Variants in SLC25A48 observed in about 807,000 individuals in gnomAD.
The protein encoded by SLC25A48 is solute carrier family 25 member 48.
A neutral mutation model predicts 32.2 loss-of-function variants in SLC25A48; 29 were observed. The observed-to-expected ratio is 0.90, with a 90% CI of 0.67 to 1.23. The LOEUF (loss-of-function observed/expected upper bound fraction) is 1.23, where lower values mean the gene tolerates loss of function less well. Ranked by LOEUF, SLC25A48 falls within the 50% of genes most tolerant of loss-of-function variation. The pLI, the probability that SLC25A48 is intolerant of heterozygous loss-of-function variation, is 0.00. For missense variants in SLC25A48, 399 were observed against 422.7 expected, an observed-to-expected ratio of 0.94 and a Z score of 0.49; for synonymous variants, 164 against 172.3, an observed-to-expected ratio of 0.95 and a Z score of 0.38.
At chr5:135,790,513 G>A (rs932382836) in intron 3 of SLC25A48, among the ~76,000 whole-genome samples, 3 of 149,220 alleles carry the variant, frequency 2.0e-5, no homozygotes, top group African/African-American at 7.5e-5. Context: ...TACATAATGT[G>A]TGGGTACTCC....
intron 3 of SLC25A48, among the ~76,000 whole-genome samples, chr5:135,700,531 G>A (rs1754370299): frequency 6.6e-6 from 1 of 152,200 alleles, no homozygotes; most frequent in Admixed American, 6.5e-5. Context: ...AGCCTCTAGA[G>A]CCCATCTCTG....
At chr5:135,596,824 C>T (rs904714836) in intron 1 of SLC25A48, among the ~76,000 whole-genome samples, 1 of 152,158 alleles carries the variant, frequency 6.6e-6, no homozygotes, top group Non-Finnish European at 1.5e-5. Flanking sequence ...TTGGTAGCCT[C>T]CAAATGACCA....
chr5:135,863,485 G>A (rs1760962405), intron 4 of SLC25A48, among the ~76,000 whole-genome samples: 1 of 152,190 alleles, frequency 6.6e-6, no homozygotes, highest in Non-Finnish European at 1.5e-5. Flanking sequence ...TAAGGCAGAG[G>A]ATGGCAGCAA....
At chr5:135,600,059 T>C (rs1346486140) in intron 1 of SLC25A48, among the ~76,000 whole-genome samples, 2 of 152,240 alleles carry the variant, frequency 1.3e-5, no homozygotes, top group East Asian at 3.8e-4. Flanking sequence ...CTCATCACTT[T>C]TGCTGTGTTT....
intron 4 of SLC25A48, among the ~76,000 whole-genome samples, chr5:135,867,256 G>A (rs1326709509): frequency 6.6e-6 from 1 of 152,214 alleles, no homozygotes; most frequent in Non-Finnish European, 1.5e-5. Context: ...GGAGTTGGCA[G>A]TTTCCTGTGA....
chr5:135,729,398 CT>C (rs1755173721), intron 3 of SLC25A48, among the ~76,000 whole-genome samples: 1 of 151,630 alleles, frequency 6.6e-6, no homozygotes, highest in Admixed American at 6.6e-5. Context: ...ATTTGCTTGA[CT>C]TTCTAGTGGA....
chr5:135,805,020 C>T (rs1400062727), intron 3 of SLC25A48, among the ~76,000 whole-genome samples: 9 of 151,270 alleles, frequency 5.9e-5, no homozygotes, highest in African/African-American at 2.2e-4. Context: ...AGTGTGCACC[C>T]TGAAATATTA....
chr5:135,760,070 A>G (rs1756024052), intron 3 of SLC25A48, among the ~76,000 whole-genome samples: 2 of 151,982 alleles, frequency 1.3e-5, no homozygotes, highest in African/African-American at 2.4e-5. Context: ...GCCTCAAGTG[A>G]TCCACCACCC....
chr5:135,645,272 A>G (rs542193464), intron 3 of SLC25A48, among the ~76,000 whole-genome samples: 40 of 152,286 alleles, frequency 2.6e-4, no homozygotes, highest in African/African-American at 6.7e-4. Flanking sequence ...TAGCCAGTCA[A>G]CTGAGTTTTC....
At chr5:135,817,591 G>A (rs1370084268) in intron 4 of SLC25A48, among the ~76,000 whole-genome samples, 1 of 152,088 alleles carries the variant, frequency 6.6e-6, no homozygotes, top group Admixed American at 6.5e-5. Context: ...GAAAAATAAG[G>A]TAGGAAGAAA....
intron 2 of SLC25A48, among the ~76,000 whole-genome samples, chr5:135,633,414 A>AG (rs1752624489): frequency 6.6e-6 from 1 of 151,826 alleles, no homozygotes; most frequent in Non-Finnish European, 1.5e-5. Flanking sequence ...CTAATTCAAT[A>AG]GGGTTGGTGG....
intron 3 of SLC25A48, among the ~76,000 whole-genome samples, chr5:135,777,698 G>A (rs1290225222): frequency 6.7e-6 from 1 of 149,214 alleles, no homozygotes; most frequent in East Asian, 2.0e-4. Flanking sequence ...GTGTAATATT[G>A]TTCCTAATAT....
chr5:135,583,182 G>A (rs1255101134), intron 1 of SLC25A48, among the ~76,000 whole-genome samples: 3 of 149,392 alleles, frequency 2.0e-5, no homozygotes, highest in African/African-American at 2.5e-5. Context: ...GTGTGTGTGC[G>A]TGTGTGTGTG....
At chr5:135,598,238 T>C (rs114941522) in intron 1 of SLC25A48, among the ~76,000 whole-genome samples, 2,132 of 152,282 alleles carry the variant, frequency 0.014, 54 homozygotes, top group African/African-American at 0.049. Context: ...AATTTGATTG[T>C]CCCCTATAAA....
rs1441291980 is a variant in SLC25A48 at position 135,780,594 on chromosome 5, G to A, written c.-520-31929G>A. ...GATGATATTACTCTCAATATCGCAG[G>A]TGGCATATAACCCCTCTGTGATATT... is the stretch of plus-strand genomic sequence containing the variant. On this transcript the variant is annotated intron_variant, in intron 3 of 10. Transcript: ENST00000646290. Among the ~76,000 whole-genome samples, 12 of 116,956 alleles carry A rather than the reference G, an allele frequency of 1.0e-4. 3 individuals are homozygous for A. Among genetic ancestry groups the A allele is most frequent in the African/African-American group, 3.1e-4 (12 of 38,308 alleles). 76.7% of individuals were successfully genotyped at this position (116,956 alleles called of 152,430 possible). A position where few individuals can be genotyped will look rare whatever the true frequency, so the allele number is the denominator to read the frequency against.
intron 1 of SLC25A48, among the ~76,000 whole-genome samples, chr5:135,593,952 A>C (rs919321064): frequency 2.0e-5 from 3 of 152,214 alleles, no homozygotes; most frequent in African/African-American, 7.2e-5. Flanking sequence ...ATGGGACTGA[A>C]TGCTTTGTGA....
intron 3 of SLC25A48, among the ~76,000 whole-genome samples, chr5:135,713,012 A>G (rs1480728230): frequency 2.0e-5 from 3 of 152,228 alleles, no homozygotes; most frequent in African/African-American, 7.2e-5. Flanking sequence ...AAATTCTGCA[A>G]TCAGCTGATC....
chr5:135,657,099 G>C (rs1364405766), intron 3 of SLC25A48, among the ~76,000 whole-genome samples: 1 of 152,112 alleles, frequency 6.6e-6, no homozygotes, highest in Non-Finnish European at 1.5e-5. Context: ...ACAATATTGG[G>C]TACTCTTCTC....
At chr5:135,747,344 C>G (rs753043237) in intron 3 of SLC25A48, among the ~76,000 whole-genome samples, 1 of 144,814 alleles carries the variant, frequency 6.9e-6, no homozygotes, top group Non-Finnish European at 1.5e-5. Flanking sequence ...ACTATGGATT[C>G]CTGGATTTTT....
Sources: gnomAD v4.1 joint callset for allele counts (sites outside exome capture counted in the v4.1 genomes callset) on GRCh38, gnomAD v4.1.1 for gene constraint, MANE v1.5 for transcripts, NCBI Gene and HGNC (gene_info 2026-07-23, HGNC 2026-07-21) for gene names.